Variants in KIAA1217 observed in about 807,000 individuals in gnomAD.
KIAA1217 encodes the protein KIAA1217, also known as sickle tail protein homolog.
In KIAA1217, 88 loss-of-function variants were observed where a neutral mutation model predicts 163.9. The ratio of observed to expected loss-of-function variants is 0.54; its 90% confidence interval spans 0.45 to 0.64. The LOEUF is 0.64. Ranked by LOEUF, KIAA1217 falls within the 30% of genes least tolerant of loss-of-function variation. The probability of loss-of-function intolerance (pLI) is 0.00; values close to 1 mark genes in which losing one functional copy is unlikely to be tolerated. For synonymous variants in KIAA1217, 903 were observed against 923.1 expected, an observed-to-expected ratio of 0.98 and a Z score of 0.39; for missense variants, 2,372 against 2,475.0, an observed-to-expected ratio of 0.96 and a Z score of 0.88.
Position 24,544,043 on chromosome 10 carries a change from C to CG in KIAA1217, c.4775dup (p.Thr1593AsnfsTer2). ...CCGCTCTCACTCAAGCCATTCGCAC[C>CG]GGAACTAAAACAGGGAAGAAGACTT... On this transcript the variant is annotated frameshift_variant, in exon 19 of 21. Transcript: ENST00000376454. LOFTEE classifies it high-confidence loss of function. 1 of 1,614,016 alleles carries CG rather than the reference C, an allele frequency of 6.2e-7. No homozygotes were observed. The highest frequency in any genetic ancestry group is 8.5e-7 in the Non-Finnish European group (1 of 1,180,002).
intron 2 of KIAA1217, among the ~76,000 whole-genome samples, chr10:24,377,665 T>C (rs977370274): frequency 6.6e-6 from 1 of 152,190 alleles, no homozygotes; most frequent in African/African-American, 2.4e-5. Flanking sequence ...ATCAACATCC[T>C]TGTATTGTAA....
At chr10:24,486,279 G>C (rs180836683) in intron 6 of KIAA1217, among the ~76,000 whole-genome samples, 3 of 152,212 alleles carry the variant, frequency 2.0e-5, no homozygotes, top group African/African-American at 7.2e-5. Flanking sequence ...CTTCCCCATG[G>C]TTCCTATCAC....
At chr10:24,081,138 G>A (rs547659116) in intron 2 of KIAA1217, among the ~76,000 whole-genome samples, 2 of 152,330 alleles carry the variant, frequency 1.3e-5, no homozygotes, top group African/African-American at 4.8e-5. Context: ...CATGGTTCCA[G>A]TTTACAAAGA....
chr10:24,154,102 C>T (rs968940283), intron 2 of KIAA1217, among the ~76,000 whole-genome samples: 16 of 150,608 alleles, frequency 1.1e-4, no homozygotes, highest in Non-Finnish European at 1.5e-4. Context: ...GGACTACAGG[C>T]GCCCGCCACT....
rs982979339 is a variant in KIAA1217, at chr10:23,789,936, C to T, written c.-321+94702C>T. ...ATATGCATATACATGTATATATACA[C>T]ATATACATATACATGTATATATACA... On this transcript the variant is annotated intron_variant, in intron 1 of 18. Transcript: ENST00000376462. Among the ~76,000 whole-genome samples, 4 of 97,400 alleles carry T rather than the reference C, an allele frequency of 4.1e-5. 1 individual carries two copies. The highest frequency in any genetic ancestry group is 1.2e-4 in the African/African-American group (3 of 25,508). The allele number at this position is 97,400 out of a possible 152,430, so 63.9% of individuals were successfully genotyped here.
intron 1 of KIAA1217, among the ~76,000 whole-genome samples, chr10:23,733,102 C>T (rs969225747): frequency 1.3e-5 from 2 of 151,998 alleles, no homozygotes; most frequent in Non-Finnish European, 2.9e-5. Flanking sequence ...CACCATTCAC[C>T]TCCCAGGTTC....
intron 1 of KIAA1217, among the ~76,000 whole-genome samples, chr10:23,751,440 A>T (rs894946307): frequency 1.3e-5 from 2 of 152,176 alleles, no homozygotes; most frequent in African/African-American, 4.8e-5. Flanking sequence ...GATCATATGT[A>T]CTGAAGCATT....
chr10:24,255,914 G>A (rs1371221440), intron 2 of KIAA1217, among the ~76,000 whole-genome samples: 1 of 152,060 alleles, frequency 6.6e-6, no homozygotes, highest in African/African-American at 2.4e-5. Context: ...TCTACAGGAT[G>A]TTTCTAAGTA....
In KIAA1217 at chr10:24,050,439, G is replaced by T. The variant is rs371278405; in HGVS notation, c.-171+43065G>T. Among the ~76,000 whole-genome samples, 93 of 152,246 alleles carry T rather than the reference G, an allele frequency of 6.1e-4. 1 individual carries two copies. The highest frequency in any genetic ancestry group is 2.2e-3 in the African/African-American group (90 of 41,550). On this transcript the variant is annotated intron_variant, in intron 2 of 18. Transcript: ENST00000376462. ...TCTTCTAGGATTTTTATGGTTTTAG[G>T]TCTTACATTTAAGCCTTTAATCCAT...
rs774541605 is a variant in KIAA1217, at chr10:24,543,210, A to G, written c.3940A>G (p.Thr1314Ala). The change falls in exon 19 of 21, where the codon ACG (threonine) becomes GCG (alanine). Residue 1314 changes from threonine to alanine, a missense_variant. Physicochemically the swap from Thr to Ala is moderately conservative, Grantham distance 58 (BLOSUM62 0). Around this residue, in one of 3 missense-constraint regions of KIAA1217, gnomAD observed 251 missense variants for 327.3 expected, o/e 0.77. Coordinates refer to ENST00000376454, the MANE Select transcript of KIAA1217 (RefSeq NM_019590.5). ...GACAAAGGAGATGGAAAAGCAAAAT[A>G]CGGATAAGTGTCACGTTTCCTCTCA... ...GKTKEMEKQN[T>A]DKCHVSSHTR... 9.9e-6 allele frequency: 16 copies of G among 1,613,892 alleles called. No homozygotes were observed. In the Admixed American group the frequency reaches 2.5e-4, roughly 25 times the overall value.
At chr10:24,167,284 CGTGT>C (rs35255558) in intron 2 of KIAA1217, among the ~76,000 whole-genome samples, 91,929 of 148,174 alleles carry the variant, frequency 0.62, 28,880 homozygotes, top group Non-Finnish European at 0.7. Context: ...TGTGTATGTG[CGTGT>C]GTGTGTGTGT....
chr10:24,530,728 C>A (rs1440906382), intron 14 of KIAA1217, among the ~76,000 whole-genome samples: 5 of 151,984 alleles, frequency 3.3e-5, no homozygotes, highest in Non-Finnish European at 5.9e-5. Flanking sequence ...TGAGACCCCC[C>A]TCTTTACAAA....
chr10:23,892,319 A>G (rs994995357), intron 1 of KIAA1217, among the ~76,000 whole-genome samples: 1 of 152,018 alleles, frequency 6.6e-6, no homozygotes, highest in African/African-American at 2.4e-5. Context: ...AACATTTTAA[A>G]CAAATACCTT....
At chr10:24,135,167 A>T (rs2063787506) in intron 2 of KIAA1217, among the ~76,000 whole-genome samples, 1 of 151,668 alleles carries the variant, frequency 6.6e-6, no homozygotes, top group South Asian at 2.1e-4. Flanking sequence ...CAATCCACAC[A>T]CTCCCTTCTC....
At chr10:24,250,499 C>G (rs1268891235) in intron 2 of KIAA1217, among the ~76,000 whole-genome samples, 2 of 151,210 alleles carry the variant, frequency 1.3e-5, no homozygotes, top group African/African-American at 4.9e-5. Context: ...GTGGCGCAAT[C>G]TCGGCTCACT....
At chr10:23,743,222 C>T (rs114009937) in intron 1 of KIAA1217, among the ~76,000 whole-genome samples, 6,658 of 150,954 alleles carry the variant, frequency 0.044, 219 homozygotes, top group Admixed American at 0.081. Context: ...CTGATGGGCC[C>T]CAGGTGACAG....
chr10:23,905,008 G>A (rs1236849606), intron 1 of KIAA1217, among the ~76,000 whole-genome samples: 2 of 131,886 alleles, frequency 1.5e-5, no homozygotes, highest in African/African-American at 5.6e-5. Flanking sequence ...CTGAGAGTGT[G>A]TTTGTTTTTA....
In KIAA1217 at chr10:24,546,061, G is replaced by A. The variant is rs777097326; in HGVS notation, c.5569G>A (p.Val1857Ile). ...TCACTCTGCCTCCCTCATCCCTTCT[G>A]TCTCTAATGGCTCTTTGAAGTTTCA... ...PAHSASLIPS[V>I]SNGSLKFQSL... Residue 1857 changes from valine (V) to isoleucine (I), a missense_variant, in exon 21 of 21, where the codon GTC becomes ATC. Val to Ile is a conservative substitution (Grantham distance 29). Transcript: ENST00000376454. The A allele has an allele frequency of 2.1e-5, 34 of 1,614,034 alleles. No homozygotes were observed. In the African/African-American group the frequency reaches 4.0e-4, roughly 19 times the overall value.
At chr10:24,367,018 A>G (rs2050881215) in intron 2 of KIAA1217, 3 of 224,460 alleles carry the variant, frequency 1.3e-5, no homozygotes, top group Non-Finnish European at 2.2e-5. Context: ...CATTTTCATC[A>G]TGAATAAATA....
Sources: allele counts gnomAD v4.1 joint callset (sites outside exome capture counted in the v4.1 genomes callset), GRCh38; gene constraint gnomAD v4.1.1; regional missense constraint gnomAD v4.1.1; transcripts MANE v1.5; gene names NCBI Gene and HGNC (gene_info 2026-07-23, HGNC 2026-07-21).